The following PDE4B variants were observed in gnomAD, a reference collection of about 807,000 sequenced individuals.
PDE4B encodes the protein 3',5'-cyclic-AMP phosphodiesterase 4B.
PDE4B carries 20 observed loss-of-function variants against 82.2 expected under a neutral mutation model. That is an observed-to-expected ratio of 0.24 (90% CI 0.17 to 0.35). The LOEUF (loss-of-function observed/expected upper bound fraction) is 0.35. PDE4B is among the 10% of genes least tolerant of loss of function. The pLI is 1.00. For synonymous variants in PDE4B, 320 were observed against 318.9 expected (o/e 1.00, Z -0.04); for missense variants, 655 against 907.2 (o/e 0.72, Z 3.57).
chr1:65,859,945 A>G (rs954992374), intron 1 of PDE4B, among the ~76,000 whole-genome samples: 1 of 152,198 alleles, frequency 6.6e-6, no homozygotes, highest in African/African-American at 2.4e-5. Context: ...GTGTGGTTGG[A>G]AGATGAAAAC....
At chr1:66,088,742 C>T (rs920355066) in intron 3 of PDE4B, among the ~76,000 whole-genome samples, 42 of 152,090 alleles carry the variant, frequency 2.8e-4, no homozygotes, top group African/African-American at 9.4e-4. Flanking sequence ...TCTCTTCTCC[C>T]GGACACAATG....
intron 1 of PDE4B, among the ~76,000 whole-genome samples, chr1:65,854,360 G>T (rs1646368221): frequency 6.6e-6 from 1 of 150,504 alleles, no homozygotes. Flanking sequence ...TTTTTTTGTG[G>T]ACTCATTTTC....
At chr1:66,337,322 C>T (rs574474674) in intron 8 of PDE4B, among the ~76,000 whole-genome samples, 1 of 152,322 alleles carries the variant, frequency 6.6e-6, no homozygotes, top group East Asian at 1.9e-4. Flanking sequence ...AGCAGCTTTG[C>T]TCCCCTCTCT....
chr1:65,988,401 T>C (rs1392559696), intron 3 of PDE4B, among the ~76,000 whole-genome samples: 1 of 152,180 alleles, frequency 6.6e-6, no homozygotes, highest in South Asian at 2.1e-4. Flanking sequence ...TTTACTGTTA[T>C]ATACTGTTGT....
chr1:66,350,251 G>C (rs1011062200), intron 8 of PDE4B, among the ~76,000 whole-genome samples: 7 of 152,124 alleles, frequency 4.6e-5, no homozygotes, highest in African/African-American at 1.7e-4. Context: ...GACTTCGGCA[G>C]TTGTTTCATT....
Position 66,257,687 on chromosome 1 carries a change from T to C in PDE4B, c.513+4T>C, listed in dbSNP as rs1261239976. The C allele has an allele frequency of 6.2e-7, 1 of 1,613,408 alleles. No individual in the cohort carries two copies. The highest frequency in any genetic ancestry group is 1.7e-5 in the Admixed American group (1 of 60,010). On this transcript the variant is annotated splice_donor_region_variant and intron_variant, in intron 5 of 16. Transcript: ENST00000341517. ...GATTGTAACTCCTTTTGCCCAGGTA[T>C]GTATTATGCTGGCCCTGGCTTGCTT...
intron 3 of PDE4B, among the ~76,000 whole-genome samples, chr1:66,217,577 A>C (rs966143019): frequency 1.3e-5 from 2 of 152,176 alleles, no homozygotes; most frequent in Admixed American, 1.3e-4. Context: ...CCCTTAGGTC[A>C]CAAAGATGGA....
intron 3 of PDE4B, among the ~76,000 whole-genome samples, chr1:66,118,182 A>T (rs1481661719): frequency 6.6e-6 from 1 of 152,066 alleles, no homozygotes; most frequent in African/African-American, 2.4e-5. Context: ...TGTAATCTAG[A>T]ACTAGAAATA....
At chr1:66,162,877 T>C (rs1225886489) in intron 3 of PDE4B, among the ~76,000 whole-genome samples, 5 of 152,160 alleles carry the variant, frequency 3.3e-5, no homozygotes, top group African/African-American at 7.2e-5. Context: ...CAATAATGGA[T>C]CAATTAATTA....
chr1:66,059,125 C>G (rs1196832798), intron 3 of PDE4B, among the ~76,000 whole-genome samples: 1 of 152,202 alleles, frequency 6.6e-6, no homozygotes, highest in Non-Finnish European at 1.5e-5. Flanking sequence ...ATCTCTAGGG[C>G]AGAGGCAAAA....
chr1:66,156,213 C>A (rs1646497915), intron 3 of PDE4B, among the ~76,000 whole-genome samples: 1 of 152,092 alleles, frequency 6.6e-6, no homozygotes, highest in Non-Finnish European at 1.5e-5. Flanking sequence ...GTGAAAGGAA[C>A]CTAAAAGGGT....
At chr1:65,810,226 T>C (rs1441181215) in intron 1 of PDE4B, among the ~76,000 whole-genome samples, 1 of 152,224 alleles carries the variant, frequency 6.6e-6, no homozygotes. Flanking sequence ...CAAAGGTAAT[T>C]TTTGCTATTT....
At chr1:65,944,653 A>G (rs1316577884) in intron 3 of PDE4B, among the ~76,000 whole-genome samples, 2 of 151,968 alleles carry the variant, frequency 1.3e-5, no homozygotes, top group South Asian at 2.1e-4. Context: ...AGTTAAGACA[A>G]TGGAGATGAC....
At chr1:66,172,780 TA>T (rs1646862021) in intron 3 of PDE4B, among the ~76,000 whole-genome samples, 7 of 10,402 alleles carry the variant, frequency 6.7e-4, no homozygotes, top group African/African-American at 4.4e-3. Flanking sequence ...ATCTTCACAT[TA>T]TGTATTATGT....
chr1:66,205,423 T>A (rs1649469054), intron 3 of PDE4B, among the ~76,000 whole-genome samples: 1 of 152,228 alleles, frequency 6.6e-6, no homozygotes, highest in South Asian at 2.1e-4. Flanking sequence ...TATGTATTCT[T>A]TAATGCTGTT....
chr1:66,241,656 C>T (rs929129941), intron 3 of PDE4B, among the ~76,000 whole-genome samples: 1 of 151,932 alleles, frequency 6.6e-6, no homozygotes, highest in African/African-American at 2.4e-5. Flanking sequence ...TGAGTACAAC[C>T]GAGGAGAATA....
At chr1:66,023,777 G>A (rs368714205) in intron 3 of PDE4B, among the ~76,000 whole-genome samples, 1 of 152,082 alleles carries the variant, frequency 6.6e-6, no homozygotes, top group Non-Finnish European at 1.5e-5. Flanking sequence ...AAGATATAGT[G>A]TAAACTTAAT....
At chr1:65,847,818 G>A (rs1216731607) in intron 1 of PDE4B, among the ~76,000 whole-genome samples, 2 of 152,180 alleles carry the variant, frequency 1.3e-5, no homozygotes, top group Admixed American at 6.5e-5. Flanking sequence ...TGGAAACTCA[G>A]CTTTATTAGT....
At chr1:66,093,474 CT>C (rs200270787) in intron 3 of PDE4B, among the ~76,000 whole-genome samples, 2 of 151,664 alleles carry the variant, frequency 1.3e-5, no homozygotes, top group East Asian at 1.9e-4. Context: ...TAAAATTGTG[CT>C]TTTTTTTCAG....
Sources: allele counts gnomAD v4.1 joint callset (sites outside exome capture counted in the v4.1 genomes callset), GRCh38; gene constraint gnomAD v4.1.1; transcripts MANE v1.5; gene names NCBI Gene and HGNC (gene_info 2026-07-23, HGNC 2026-07-21).